CCDC7: variants seen among roughly 807,000 people sequenced by gnomAD.
CCDC7 encodes the protein coiled-coil domain-containing protein 7.
In CCDC7, 183 loss-of-function variants were observed where a neutral mutation model predicts 196.9. That is an observed-to-expected ratio of 0.93 (90% CI 0.82 to 1.05). CCDC7 has a LOEUF of 1.05. CCDC7 is among the 50% of genes least tolerant of loss of function. The probability of loss-of-function intolerance (pLI) is 0.00; values close to 1 mark genes in which losing one functional copy is unlikely to be tolerated. For missense variants in CCDC7, 1,540 were observed against 1,482.2 expected (o/e 1.04, Z -0.64); for synonymous variants, 525 against 484.6 (o/e 1.08, Z -1.10).
intron 41 of CCDC7, among the ~76,000 whole-genome samples, chr10:32,857,788 A>C (rs766535722): frequency 1.2e-4 from 18 of 151,944 alleles, no homozygotes; most frequent in Non-Finnish European, 2.6e-4. Flanking sequence ...ACCAGAATTA[A>C]ATCGAATAGA....
At chr10:32,882,437 G>A (rs2094826302) in intron 22 of CCDC7, among the ~76,000 whole-genome samples, 1 of 152,162 alleles carries the variant, frequency 6.6e-6, no homozygotes, top group African/African-American at 2.4e-5. Context: ...AGGGCGTAGA[G>A]AAGCCTAGCT....
chr10:32,604,966 A>G (rs1326597791), intron 18 of CCDC7, among the ~76,000 whole-genome samples: 1 of 152,066 alleles, frequency 6.6e-6, no homozygotes, highest in East Asian at 1.9e-4. Context: ...TATTTGTCCC[A>G]CCCAAATGTC....
chr10:32,543,077 G>GT (rs2136145071), intron 11 of CCDC7, among the ~76,000 whole-genome samples: 1 of 152,186 alleles, frequency 6.6e-6, no homozygotes, highest in African/African-American at 2.4e-5. Flanking sequence ...AAATTTAAAT[G>GT]TTTTAATATG....
chr10:32,619,290 A>C (rs1335496679), intron 18 of CCDC7, among the ~76,000 whole-genome samples: 2 of 152,116 alleles, frequency 1.3e-5, no homozygotes, highest in Admixed American at 1.3e-4. Flanking sequence ...AAGAGATTCC[A>C]TTATAAAGCT....
chr10:32,755,568 G>C (rs2076296351), intron 28 of CCDC7, among the ~76,000 whole-genome samples: 1 of 152,000 alleles, frequency 6.6e-6, no homozygotes, highest in Non-Finnish European at 1.5e-5. Flanking sequence ...CTAACAAACA[G>C]AAAGGACATC....
chr10:32,507,891 C>A (rs2135232012), intron 9 of CCDC7, among the ~76,000 whole-genome samples: 1 of 152,298 alleles, frequency 6.6e-6, no homozygotes, highest in Non-Finnish European at 1.5e-5. Context: ...CATAAAAAGG[C>A]CATATTAGCC....
intron 8 of CCDC7, among the ~76,000 whole-genome samples, chr10:32,488,192 C>G (rs1181541931): frequency 6.6e-6 from 1 of 152,224 alleles, no homozygotes; most frequent in Non-Finnish European, 1.5e-5. Flanking sequence ...TGGCGGGCGC[C>G]CCTCCCTCAG....
intron 5 of CCDC7, among the ~76,000 whole-genome samples, chr10:32,467,438 G>A (rs2133826014): frequency 6.6e-6 from 1 of 152,114 alleles, no homozygotes; most frequent in Non-Finnish European, 1.5e-5. Flanking sequence ...GGTGTTGTTT[G>A]TTTGTGTCTT....
At chr10:32,874,495 C>T (rs2136923226) in intron 41 of CCDC7, among the ~76,000 whole-genome samples, 1 of 151,726 alleles carries the variant, frequency 6.6e-6, no homozygotes, top group South Asian at 2.1e-4. Context: ...CCTTTGTGTG[C>T]ACATAGCTTA....
At chr10:32,745,252 T>C (rs1356974038) in intron 28 of CCDC7, among the ~76,000 whole-genome samples, 1 of 152,244 alleles carries the variant, frequency 6.6e-6, no homozygotes, top group Non-Finnish European at 1.5e-5. Context: ...AACTTGGTTC[T>C]TCTCCTTCAA....
At chr10:32,517,961 G>A (rs774677442) in exon 10 of CCDC7, 1 of 1,589,072 alleles carries the variant, frequency 6.3e-7, no homozygotes, top group Admixed American at 1.8e-5. Flanking sequence ...AAATGATCAA[G>A]TTTTGTTAGA....
At chr10:32,466,007 C>T (rs1211467937) in intron 5 of CCDC7, among the ~76,000 whole-genome samples, 1 of 152,100 alleles carries the variant, frequency 6.6e-6, no homozygotes, top group African/African-American at 2.4e-5. Flanking sequence ...TCAGATGTGT[C>T]CACTTTTCTC....
chr10:32,847,741 A>G, intron 37 of CCDC7, 92 bp from the exon 39 acceptor site: 1 of 812,152 alleles, frequency 1.2e-6, no homozygotes. Context: ...AAGAAAAGAA[A>G]AAGAAATTTC....
chr10:32,543,114 C>T (rs1048186720), intron 11 of CCDC7, among the ~76,000 whole-genome samples, 186 bp from the exon 13 acceptor site: 1 of 152,130 alleles, frequency 6.6e-6, no homozygotes, highest in African/African-American at 2.4e-5. Context: ...ACTTACACCA[C>T]GTAAAGCACT....
chr10:32,690,823 A>G (rs1483520805), intron 23 of CCDC7, among the ~76,000 whole-genome samples: 1 of 152,210 alleles, frequency 6.6e-6, no homozygotes, highest in African/African-American at 2.4e-5. Context: ...TTCACATAGA[A>G]AATACATCTA....
intron 31 of CCDC7, among the ~76,000 whole-genome samples, chr10:32,817,504 T>G (rs565647912): frequency 3.9e-5 from 6 of 152,060 alleles, no homozygotes; most frequent in Non-Finnish European, 8.8e-5. Flanking sequence ...AAGATACTCC[T>G]CGAGAAGAGC....
intron 32 of CCDC7, among the ~76,000 whole-genome samples, chr10:32,827,672 G>T (rs955614650): frequency 1.3e-5 from 2 of 152,020 alleles, no homozygotes; most frequent in Non-Finnish European, 2.9e-5. Context: ...GAGGTATAGC[G>T]TTGGGAGAAA....
chr10:32,696,715 A>G (rs995970554), intron 24 of CCDC7, among the ~76,000 whole-genome samples: 10 of 152,160 alleles, frequency 6.6e-5, no homozygotes, highest in Non-Finnish European at 8.8e-5. Flanking sequence ...TTGGGTAACC[A>G]AACCTAGAGA....
intron 28 of CCDC7, among the ~76,000 whole-genome samples, chr10:32,751,958 G>C (rs533507312): frequency 6.6e-6 from 1 of 152,090 alleles, no homozygotes; most frequent in Non-Finnish European, 1.5e-5. Flanking sequence ...AAGGCAGTTC[G>C]CTTGCCTCTG....
Sources: allele counts gnomAD v4.1 joint callset (sites outside exome capture counted in the v4.1 genomes callset), GRCh38; gene constraint gnomAD v4.1.1; transcripts MANE v1.5; gene names NCBI Gene and HGNC (gene_info 2026-07-23, HGNC 2026-07-21).